Variants in ZBTB20 observed in about 807,000 individuals in gnomAD.
ZBTB20 encodes zinc finger and BTB domain-containing protein 20.
Under a neutral mutation model 56.9 loss-of-function variants are expected in ZBTB20, and 9 were observed. The observed-to-expected ratio is 0.16, with a 90% CI of 0.10 to 0.28. The LOEUF is 0.28. ZBTB20 is among the 10% of genes least tolerant of loss of function. The pLI is 1.00. For missense variants in ZBTB20, 655 were observed against 1,003.0 expected, an observed-to-expected ratio of 0.65 and a Z score of 4.69; for synonymous variants, 417 against 420.7, an observed-to-expected ratio of 0.99 and a Z score of 0.11.
intron 6 of ZBTB20, among the ~76,000 whole-genome samples, chr3:114,691,997 A>G (rs577611043): frequency 6.6e-6 from 1 of 152,264 alleles, no homozygotes; most frequent in East Asian, 1.9e-4. Flanking sequence ...TTAAATCTCC[A>G]TACCTAGAAG....
At chr3:114,904,961 C>G (rs1359185740) in intron 3 of ZBTB20, among the ~76,000 whole-genome samples, 1 of 151,836 alleles carries the variant, frequency 6.6e-6, no homozygotes, top group South Asian at 2.1e-4. Context: ...AGCTTATTTA[C>G]AAAAACTGCA....
At chr3:114,919,554 A>C (rs537208102) in intron 3 of ZBTB20, among the ~76,000 whole-genome samples, 1 of 152,048 alleles carries the variant, frequency 6.6e-6, no homozygotes, top group South Asian at 2.1e-4. Context: ...AAAAATACAA[A>C]ATTAGCCGGG....
Position 115,002,611 on chromosome 3 carries a change from G to C in ZBTB20, c.-506-28195C>G, listed in dbSNP as rs918098485. Reference sequence around the variant, plus strand: ...AAATGATCAACATAATATGCCATTAGAGAATTGCAAATTAAAACAATGAGA... The same window carrying C: ...AAATGATCAACATAATATGCCATTACAGAATTGCAAATTAAAACAATGAGA... On this transcript the variant is annotated intron_variant, in intron 2 of 11. Transcript: ENST00000675478. Among the ~76,000 whole-genome samples, 16 of 151,518 alleles carry C rather than the reference G, an allele frequency of 1.1e-4. No individual in the cohort carries two copies. The Admixed American group carries it at 1.1e-3, about 10-fold the overall frequency.
chr3:114,527,686 T>C (rs927473528), intron 6 of ZBTB20, among the ~76,000 whole-genome samples: 45 of 152,202 alleles, frequency 3.0e-4, no homozygotes, highest in African/African-American at 1.1e-3. Context: ...TATTTACCAG[T>C]AATTGCAACT....
intron 6 of ZBTB20, among the ~76,000 whole-genome samples, chr3:114,548,652 G>A (rs1275824944): frequency 6.6e-6 from 1 of 151,956 alleles, no homozygotes; most frequent in Non-Finnish European, 1.5e-5. Flanking sequence ...CCAAGTAGCT[G>A]TGATTACAGG....
chr3:114,666,543 C>T (rs1486784435), intron 6 of ZBTB20, among the ~76,000 whole-genome samples: 1 of 151,984 alleles, frequency 6.6e-6, no homozygotes, highest in Non-Finnish European at 1.5e-5. Flanking sequence ...GACTTCAAAA[C>T]CCTTCTTTTT....
chr3:114,655,739 T>C (rs1391619873), intron 6 of ZBTB20, among the ~76,000 whole-genome samples: 1 of 152,224 alleles, frequency 6.6e-6, no homozygotes, highest in Non-Finnish European at 1.5e-5. Context: ...GAGTATCTTA[T>C]AAGTATAATT....
chr3:114,979,495 G>A (rs2078243652), intron 2 of ZBTB20, among the ~76,000 whole-genome samples: 1 of 151,926 alleles, frequency 6.6e-6, no homozygotes, highest in Non-Finnish European at 1.5e-5. Context: ...TATGAACTAT[G>A]ACTTCTGGTT....
intron 6 of ZBTB20, among the ~76,000 whole-genome samples, chr3:114,535,992 G>A (rs934413923): frequency 1.2e-4 from 18 of 152,086 alleles, no homozygotes; most frequent in Non-Finnish European, 2.5e-4. Flanking sequence ...TTGATGGAAC[G>A]TATCTCAAAA....
intron 2 of ZBTB20, among the ~76,000 whole-genome samples, chr3:115,038,342 T>C (rs991439425): frequency 1.3e-5 from 2 of 152,226 alleles, no homozygotes; most frequent in Non-Finnish European, 2.9e-5. Context: ...TTTGTATGTA[T>C]GTATAATAAC....
intron 7 of ZBTB20, among the ~76,000 whole-genome samples, chr3:114,391,260 T>C (rs1468420196): frequency 6.6e-6 from 1 of 152,204 alleles, no homozygotes; most frequent in African/African-American, 2.4e-5. Flanking sequence ...TCCTTGCTTA[T>C]TGGATTAAAT....
At chr3:114,516,004 A>ATTT (rs34260800) in intron 6 of ZBTB20, among the ~76,000 whole-genome samples, 169 of 141,242 alleles carry the variant, frequency 1.2e-3, no homozygotes, top group African/African-American at 4.2e-3. Flanking sequence ...TAATTAAACA[A>ATTT]TTTTTTTTTT....
intron 10 of ZBTB20, chr3:114,366,699 GA>G (rs1235542946): frequency 6.6e-6 from 1 of 152,220 alleles, no homozygotes; most frequent in Non-Finnish European, 1.5e-5. Flanking sequence ...TCTACAGTGA[GA>G]AGCAAAAGTG....
At chr3:114,519,769 G>A (rs983791863) in intron 6 of ZBTB20, 2 of 152,074 alleles carry the variant, frequency 1.3e-5, no homozygotes, top group East Asian at 3.8e-4. Context: ...CCAATAAAGG[G>A]GCAGAGCACA....
chr3:114,408,045 G>A (rs900735452), intron 7 of ZBTB20, among the ~76,000 whole-genome samples: 10 of 152,110 alleles, frequency 6.6e-5, no homozygotes, highest in African/African-American at 2.4e-4. Context: ...AAAGTACATG[G>A]AAATATTCCA....
chr3:115,090,168 T>C (rs1387582779), intron 1 of ZBTB20, among the ~76,000 whole-genome samples: 1 of 151,756 alleles, frequency 6.6e-6, no homozygotes, highest in Non-Finnish European at 1.5e-5. Flanking sequence ...CGACATATAA[T>C]AATCAACTAA....
At chr3:114,379,543 C>A (rs1021745263) in intron 10 of ZBTB20, among the ~76,000 whole-genome samples, 2 of 152,118 alleles carry the variant, frequency 1.3e-5, no homozygotes, top group African/African-American at 4.8e-5. Context: ...AAATAAACAG[C>A]AAAGAAGTGA....
chr3:114,318,510 T>C lies in ZBTB20; in HGVS notation c.*20495A>G, dbSNP rs1350032820. 1 of 152,298 alleles carries C rather than the reference T, an allele frequency of 6.6e-6. No homozygotes were observed. The highest frequency in any genetic ancestry group is 1.5e-5 in the Non-Finnish European group (1 of 68,076). The allele number at this position is 152,298 out of a possible 1,614,324, so 9.4% of individuals were successfully genotyped here. ...CTCTCTTGGCAGCCTCATCTCAGGA[T>C]GGGAAAGTGTGGTTGCCCACTGAGA... On this transcript the variant is annotated 3_prime_UTR_variant, in exon 12 of 12. Coordinates refer to ENST00000675478, the MANE Select transcript of ZBTB20 (RefSeq NM_001348800.3).
At chr3:115,117,660 G>A (rs1174226499) in intron 1 of ZBTB20, among the ~76,000 whole-genome samples, 1 of 150,010 alleles carries the variant, frequency 6.7e-6, no homozygotes. Context: ...TTTCAGTTAA[G>A]AAACCAGAGG....
Sources: gnomAD v4.1 joint callset for allele counts (sites outside exome capture counted in the v4.1 genomes callset) on GRCh38, gnomAD v4.1.1 for gene constraint, MANE v1.5 for transcripts, NCBI Gene and HGNC (gene_info 2026-07-23, HGNC 2026-07-21) for gene names.